ZYG11B: variants seen among roughly 807,000 people sequenced by gnomAD.
ZYG11B encodes the protein zyg-11 family member B, cell cycle regulator.
In ZYG11B, 36 loss-of-function variants were observed where a neutral mutation model predicts 82.4. The ratio of observed to expected loss-of-function variants is 0.44; its 90% confidence interval spans 0.33 to 0.58. The LOEUF (loss-of-function observed/expected upper bound fraction) is 0.58. Ranked by LOEUF, ZYG11B falls within the 20% of genes least tolerant of loss-of-function variation. The pLI, the probability that ZYG11B is intolerant of heterozygous loss-of-function variation, is 0.02. For synonymous variants in ZYG11B, 303 were observed against 312.8 expected (o/e 0.97, Z 0.33); for missense variants, 552 against 895.6 (o/e 0.62, Z 4.90).
At chr1:52,741,298 C>CAAAAAAAAAAAAAAAA (rs770092920) in intron 1 of ZYG11B, among the ~76,000 whole-genome samples, 28 of 72,148 alleles carry the variant, frequency 3.9e-4, no homozygotes, top group East Asian at 5.3e-4. Context: ...GACTTCGTCT[C>CAAAAAAAAAAAAAAAA]AAAAAAAAAA....
At chr1:52,770,239 G>T (rs557973628) in intron 2 of ZYG11B, among the ~76,000 whole-genome samples, 26 of 151,712 alleles carry the variant, frequency 1.7e-4, no homozygotes, top group Non-Finnish European at 5.9e-5. Flanking sequence ...CTATAGGCAT[G>T]ACCACTGTGC....
intron 13 of ZYG11B, among the ~76,000 whole-genome samples, chr1:52,816,950 G>A (rs910128856): frequency 4.0e-5 from 6 of 151,704 alleles, no homozygotes; most frequent in East Asian, 1.9e-4. Flanking sequence ...CACCATGCCC[G>A]GCTAATTTTT....
intron 1 of ZYG11B, among the ~76,000 whole-genome samples, chr1:52,753,368 A>G (rs1226396954): frequency 6.6e-6 from 1 of 150,564 alleles, no homozygotes; most frequent in Non-Finnish European, 1.5e-5. Context: ...TTTTTCTCCC[A>G]TCAGCAATTA....
chr1:52,744,802 G>A (rs908876028), intron 1 of ZYG11B, among the ~76,000 whole-genome samples: 2 of 152,012 alleles, frequency 1.3e-5, no homozygotes, highest in South Asian at 2.1e-4. Flanking sequence ...CTGAGATCGC[G>A]TTACTGCACT....
At chr1:52,731,024 G>C (rs1278672239) in intron 1 of ZYG11B, among the ~76,000 whole-genome samples, 1 of 152,042 alleles carries the variant, frequency 6.6e-6, no homozygotes, top group Non-Finnish European at 1.5e-5. Context: ...TGTAATCCCA[G>C]CAGTTTGGGA....
In ZYG11B at chr1:52,825,420, A is replaced by G. The variant is rs1375309201; in HGVS notation, c.*3791A>G. On this transcript the variant is annotated 3_prime_UTR_variant, in exon 14 of 14. Coordinates refer to ENST00000294353, the MANE Select transcript of ZYG11B (RefSeq NM_024646.3). ...AAATATTGCTTCTTGTCACCCTGGGACAGTAATGCCTTATAGTGGCACTAG... is the reference window on the plus strand; with the variant it reads ...AAATATTGCTTCTTGTCACCCTGGGGCAGTAATGCCTTATAGTGGCACTAG... The G allele has an allele frequency of 6.6e-6, 1 of 152,118 alleles. No individual in the cohort carries two copies. Among genetic ancestry groups the G allele is most frequent in the Non-Finnish European group, 1.5e-5 (1 of 68,022 alleles). The allele number at this position is 152,118 out of a possible 1,614,324, so 9.4% of individuals were successfully genotyped here. A position where few individuals can be genotyped will look rare whatever the true frequency, so the allele number is the denominator to read the frequency against.
rs1237189094 is a variant in ZYG11B, at chr1:52,750,654, A to G, written c.31-5804A>G. 3.3e-5 allele frequency among the ~76,000 whole-genome samples: 5 copies of G among 152,290 alleles called. No individual in the cohort carries two copies. In the East Asian group the frequency reaches 9.6e-4, roughly 29 times the overall value. ...TCACCTATTAAAGTGTACCCAGTTC[A>G]GTGGTTTTTAGTATATGCAGAGTGG... On this transcript the variant is annotated intron_variant, in intron 1 of 13. Transcript: ENST00000294353.
intron 10 of ZYG11B, among the ~76,000 whole-genome samples, chr1:52,802,899 A>G (rs1645089261): frequency 6.6e-6 from 1 of 151,252 alleles, no homozygotes; most frequent in South Asian, 2.1e-4. Flanking sequence ...ACGCGCCTGT[A>G]GTCCTAGTTA....
At chr1:52,800,025 C>T (rs1645062810) in intron 8 of ZYG11B, among the ~76,000 whole-genome samples, 2 of 151,686 alleles carry the variant, frequency 1.3e-5, no homozygotes, top group Admixed American at 1.3e-4. Context: ...CTTGTAATCC[C>T]AGAACTTTGG....
intron 6 of ZYG11B, among the ~76,000 whole-genome samples, chr1:52,794,031 G>C (rs548678289): frequency 4.0e-4 from 60 of 151,638 alleles, no homozygotes; most frequent in African/African-American, 1.4e-3. Flanking sequence ...CTGGAGTGCA[G>C]TGGCGTGATC....
chr1:52,779,782 G>T, intron 3 of ZYG11B, 71 bp from the exon 4 acceptor site: 2 of 1,583,714 alleles, frequency 1.3e-6, no homozygotes, highest in Non-Finnish European at 1.7e-6. Flanking sequence ...GAGCCACCGC[G>T]CCTGGCCACA....
chr1:52,794,454 T>A (rs995442032), intron 6 of ZYG11B, among the ~76,000 whole-genome samples: 1 of 152,136 alleles, frequency 6.6e-6, no homozygotes, highest in Non-Finnish European at 1.5e-5. Context: ...TACCTGAAAA[T>A]AATCATTCAG....
chr1:52,821,609 C>T lies in ZYG11B; in HGVS notation c.2215C>T (p.Pro739Ser). The change falls in exon 14 of 14, where the codon CCC (proline) becomes TCC (serine). Residue 739 changes from proline to serine, a missense_variant. By Grantham distance (74) the Pro-to-Ser change is moderately conservative. This residue lies in a region of ZYG11B where 127 missense variants were observed against 163.4 expected (regional missense o/e 0.78). Coordinates refer to ENST00000294353, the MANE Select transcript of ZYG11B (RefSeq NM_024646.3). ...GAGGCCACCTCCCTGTAAAAAACAG[C>T]CCCAAGCCAGACTAAATTGATAGCC... ...HGRPPPCKKQ[P>S]QARLN is the part of the protein sequence containing the mutation. The T allele has an allele frequency of 6.2e-7, 1 of 1,611,412 alleles. No individual in the cohort carries two copies. The highest frequency in any genetic ancestry group is 8.5e-7 in the Non-Finnish European group (1 of 1,179,172).
At chr1:52,738,985 C>CTT (rs10643364) in intron 1 of ZYG11B, among the ~76,000 whole-genome samples, 1 of 106,280 alleles carries the variant, frequency 9.4e-6, no homozygotes, top group East Asian at 3.9e-4. Context: ...GCCCTGTAAC[C>CTT]TTTTTTTTTT....
intron 10 of ZYG11B, among the ~76,000 whole-genome samples, chr1:52,802,711 G>T (rs1312557388): frequency 6.6e-6 from 1 of 151,180 alleles, no homozygotes; most frequent in Non-Finnish European, 1.5e-5. Flanking sequence ...GAGAGAGAGA[G>T]AAAGAAAGAA....
chr1:52,787,091 CA>C (rs11444889), intron 5 of ZYG11B, among the ~76,000 whole-genome samples: 10 of 147,232 alleles, frequency 6.8e-5, no homozygotes, highest in Admixed American at 6.8e-5. Context: ...ACTCTTGTCT[CA>C]AAAAAAAAAA....
Position 52,821,733 on chromosome 1 carries a change from G to T in ZYG11B, c.*104G>T. On this transcript the variant is annotated 3_prime_UTR_variant, in exon 14 of 14. Transcript: ENST00000294353. Reference sequence around the variant, plus strand: ...TGTTTTGGGGGTTTCTATGACAAGAGTCATAAAATCAGTTTGGGATTGATA... The same window carrying T: ...TGTTTTGGGGGTTTCTATGACAAGATTCATAAAATCAGTTTGGGATTGATA... 1 of 1,110,958 alleles carries T rather than the reference G, an allele frequency of 9.0e-7. No homozygotes were observed. 68.8% of individuals were successfully genotyped at this position (1,110,958 alleles called of 1,614,324 possible). A position where few individuals can be genotyped will look rare whatever the true frequency, so the allele number is the denominator to read the frequency against.
intron 1 of ZYG11B, among the ~76,000 whole-genome samples, chr1:52,735,889 A>C (rs1222789581): frequency 6.6e-6 from 1 of 152,206 alleles, no homozygotes; most frequent in Admixed American, 6.5e-5. Flanking sequence ...GAGACAGGAC[A>C]GTAACATACT....
At position 52,740,610 on chromosome 1, in the gene ZYG11B, C is replaced by G. The variant is rs544832385; in HGVS notation, c.30+13927C>G. Among the ~76,000 whole-genome samples the G allele has an allele frequency of 2.7e-4, 39 of 143,856 alleles. No homozygotes were observed. In the East Asian group the frequency reaches 8.0e-3, roughly 30 times the overall value. The allele number at this position is 143,856 out of a possible 152,430, so 94.4% of individuals were successfully genotyped here. Reference sequence around the variant, plus strand: ...TGAGACAGGGTCTCTGTCACCCAGGCTGGGTGCAAGTGGCACCATCTCAGC... The same window carrying G: ...TGAGACAGGGTCTCTGTCACCCAGGGTGGGTGCAAGTGGCACCATCTCAGC... On this transcript the variant is annotated intron_variant, in intron 1 of 13. Transcript: ENST00000294353.
Sources: gnomAD v4.1 joint callset for allele counts (sites outside exome capture counted in the v4.1 genomes callset) on GRCh38, gnomAD v4.1.1 for gene constraint, gnomAD v4.1.1 regional missense constraint, MANE v1.5 for transcripts, NCBI Gene and HGNC (gene_info 2026-07-23, HGNC 2026-07-21) for gene names.